The following USH2A variants were observed in gnomAD, a reference collection of about 807,000 sequenced individuals.
USH2A encodes usherin, also known as Usher syndrome 2A (autosomal recessive, mild).
Under a neutral mutation model 538.9 loss-of-function variants are expected in USH2A, and 443 were observed. That is an observed-to-expected ratio of 0.82 (90% confidence interval 0.76 to 0.89). The LOEUF (loss-of-function observed/expected upper bound fraction) is 0.89. Ranked by LOEUF, USH2A falls within the 40% of genes least tolerant of loss-of-function variation. The pLI, the probability that USH2A is intolerant of heterozygous loss-of-function variation, is 0.00. For missense variants in USH2A, 6,633 were observed against 6,324.8 expected, an observed-to-expected ratio of 1.05 and a Z score of -1.65; for synonymous variants, 2,413 against 2,273.5, an observed-to-expected ratio of 1.06 and a Z score of -1.75.
chr1:216,139,954 G>A (rs2033569370), intron 21 of USH2A, among the ~76,000 whole-genome samples: 1 of 152,086 alleles, frequency 6.6e-6, no homozygotes, highest in Admixed American at 6.6e-5. Flanking sequence ...TGTTAGGTGA[G>A]CACTACACAC....
In USH2A at chr1:216,137,199, T is replaced by G. The variant is rs191478063; in HGVS notation, c.4627+38053A>C. Among the ~76,000 whole-genome samples the G allele has an allele frequency of 8.5e-4, 130 of 152,274 alleles. 2 individuals are homozygous for G. Among genetic ancestry groups the G allele is most frequent in the Admixed American group, 7.0e-3 (107 of 15,292 alleles). Reference sequence around the variant, plus strand: ...TTGGTGGCATGCAAAGTACGTTCCTTTGAACTGATAAATTATGACCATTTG... The same window carrying G: ...TTGGTGGCATGCAAAGTACGTTCCTGTGAACTGATAAATTATGACCATTTG... On this transcript the variant is annotated intron_variant, in intron 21 of 71. Transcript: ENST00000307340.
intron 29 of USH2A, among the ~76,000 whole-genome samples, chr1:216,070,559 C>T (rs2031525337): frequency 6.6e-6 from 1 of 152,096 alleles, no homozygotes; most frequent in Non-Finnish European, 1.5e-5. Flanking sequence ...TTTAATGTAT[C>T]AGACATGTTT....
chr1:216,320,422 G>A (rs562755875), intron 9 of USH2A, among the ~76,000 whole-genome samples: 1 of 152,258 alleles, frequency 6.6e-6, no homozygotes, highest in South Asian at 2.1e-4. Flanking sequence ...AATGCAAACA[G>A]ACTAATACAC....
At chr1:215,668,256 A>C (rs374851285) in intron 64 of USH2A, among the ~76,000 whole-genome samples, 132 of 152,364 alleles carry the variant, frequency 8.7e-4, no homozygotes, top group African/African-American at 3.1e-3. Flanking sequence ...TCTTTTGTTA[A>C]AGAAAAATAA....
Position 216,291,094 on chromosome 1 carries a change from G to C in USH2A, c.1840+1081C>G, listed in dbSNP as rs143028559. Among the ~76,000 whole-genome samples the C allele has an allele frequency of 3.2e-3, 492 of 152,106 alleles. 3 individuals are homozygous for C. Among genetic ancestry groups the C allele is most frequent in the African/African-American group, 0.012 (478 of 41,476 alleles). On this transcript the variant is annotated intron_variant, in intron 10 of 71. Coordinates refer to ENST00000307340, the MANE Select transcript of USH2A (RefSeq NM_206933.4). ...AACCAGGTGTATCTTTTAATAACAA[G>C]TAACTCATTATGCCCCTTTCCCATA...
At chr1:216,137,084 G>A (rs924879670) in intron 21 of USH2A, among the ~76,000 whole-genome samples, 3 of 152,112 alleles carry the variant, frequency 2.0e-5, no homozygotes, top group African/African-American at 7.2e-5. Flanking sequence ...CTAGATTTGA[G>A]AACTAAAATG....
At chr1:216,102,740 C>A (rs552292818) in intron 21 of USH2A, among the ~76,000 whole-genome samples, 2 of 152,264 alleles carry the variant, frequency 1.3e-5, no homozygotes, top group Admixed American at 1.3e-4. Context: ...GCGGAGCTTG[C>A]AGTGAGTGGA....
chr1:215,922,943 A>G (rs1388898706), intron 38 of USH2A, among the ~76,000 whole-genome samples: 3 of 152,086 alleles, frequency 2.0e-5, no homozygotes, highest in African/African-American at 7.2e-5. Flanking sequence ...AGATTGTCAA[A>G]TGAAGTGGCT....
At chr1:216,237,344 A>G (rs967374381) in intron 13 of USH2A, among the ~76,000 whole-genome samples, 1 of 152,128 alleles carries the variant, frequency 6.6e-6, no homozygotes, top group African/African-American at 2.4e-5. Context: ...AATAAACAGT[A>G]TTTATCTAAC....
intron 30 of USH2A, among the ~76,000 whole-genome samples, chr1:216,049,588 T>A (rs979301885): frequency 5.9e-5 from 9 of 152,196 alleles, no homozygotes; most frequent in Non-Finnish European, 1.2e-4. Flanking sequence ...TCGTGGTGTC[T>A]CTTTATTGAT....
Position 215,894,683 on chromosome 1 carries a change from C to A in USH2A, c.7594+5392G>T, listed in dbSNP as rs148909276. On this transcript the variant is annotated intron_variant, in intron 40 of 71. Coordinates refer to ENST00000307340, the MANE Select transcript of USH2A (RefSeq NM_206933.4). The stretch of plus-strand genomic sequence containing the variant: ...AGCCAATATTGAATCAGAGGGACAG[C>A]CAGAAGCCTGCCTCTGACCAAGGTA... Among the ~76,000 whole-genome samples, 493 of 152,234 alleles carry A rather than the reference C, an allele frequency of 3.2e-3. 4 individuals are homozygous for A. The highest frequency in any genetic ancestry group is 0.011 in the African/African-American group (474 of 41,554).
intron 26 of USH2A, chr1:216,079,128 AAAAC>A (rs2031849652): frequency 6.6e-6 from 1 of 152,192 alleles, no homozygotes; most frequent in African/African-American, 2.4e-5. Context: ...TGTGTCGAGT[AAAAC>A]AAATTAAATC....
At chr1:215,829,690 C>T (rs1430420421) in intron 47 of USH2A, among the ~76,000 whole-genome samples, 1 of 152,150 alleles carries the variant, frequency 6.6e-6, no homozygotes, top group East Asian at 1.9e-4. Context: ...AGGCTAACTG[C>T]TTTGGTGTTG....
intron 9 of USH2A, among the ~76,000 whole-genome samples, chr1:216,318,046 G>A (rs991014654): frequency 2.0e-5 from 3 of 152,082 alleles, no homozygotes; most frequent in African/African-American, 7.2e-5. Flanking sequence ...ATGTGAACCT[G>A]CCCCTGAATT....
intron 38 of USH2A, among the ~76,000 whole-genome samples, chr1:215,926,614 CTTTT>C (rs10673615): frequency 2.6e-5 from 2 of 75,846 alleles, no homozygotes; most frequent in African/African-American, 5.5e-5. Context: ...ACCTACCTAT[CTTTT>C]TTTTTTTTTT....
At position 216,199,649 on chromosome 1, in the gene USH2A, C is replaced by T; in HGVS notation, c.3789G>A (p.Trp1263Ter). The T allele has an allele frequency of 6.2e-7, 1 of 1,614,058 alleles. No homozygotes were observed. The highest frequency in any genetic ancestry group is 2.2e-5 in the East Asian group (1 of 44,854). ...TACCATTTAGTTCCGCTGGTGGAGACCATTCTACATGAAGTTCTGTAGAAC... is the reference window on the plus strand; with the variant it reads ...TACCATTTAGTTCCGCTGGTGGAGATCATTCTACATGAAGTTCTGTAGAAC... ...KISSTELHVE[W>*]SPPAELNGII... The change falls in exon 17 of 72, where the codon TGG (tryptophan) becomes TGA (stop). Residue 1263 changes from tryptophan (W) to a stop codon, truncating the protein, a stop_gained. Coordinates refer to ENST00000307340, the MANE Select transcript of USH2A (RefSeq NM_206933.4). LOFTEE classifies it high-confidence loss of function.
chr1:216,300,873 C>A (rs1365639012), intron 9 of USH2A, among the ~76,000 whole-genome samples: 1 of 151,630 alleles, frequency 6.6e-6, no homozygotes, highest in Admixed American at 6.6e-5. Context: ...CTCAGCCTCC[C>A]GAGTATCTGG....
In USH2A at chr1:215,632,301, C is replaced by G. The variant is rs957692711; in HGVS notation, c.15297+2158G>C. Among the ~76,000 whole-genome samples, 10 of 152,128 alleles carry G rather than the reference C, an allele frequency of 6.6e-5. 1 individual carries two copies. The highest frequency in any genetic ancestry group is 2.4e-4 in the African/African-American group (10 of 41,422). ...CTCAGAACTTCAGGTCCTGCTCCTC[C>G]TATGTGATGCTGATGCAGATAGTTC... On this transcript the variant is annotated intron_variant, in intron 70 of 71. Coordinates refer to ENST00000307340, the MANE Select transcript of USH2A (RefSeq NM_206933.4).
chr1:215,718,302 C>T (rs546563865), intron 61 of USH2A, among the ~76,000 whole-genome samples: 1 of 152,308 alleles, frequency 6.6e-6, no homozygotes, highest in East Asian at 1.9e-4. Flanking sequence ...AATCTTTTCA[C>T]TGTTCGGCAT....
Sources: gnomAD v4.1 joint callset for allele counts (sites outside exome capture counted in the v4.1 genomes callset) on GRCh38, gnomAD v4.1.1 for gene constraint, MANE v1.5 for transcripts, NCBI Gene and HGNC (gene_info 2026-07-23, HGNC 2026-07-21) for gene names.